C8orf34: variants seen among roughly 807,000 people sequenced by gnomAD.
The protein encoded by C8orf34 is chromosome 8 open reading frame 34.
In C8orf34, 65 loss-of-function variants were observed where a neutral mutation model predicts 68.3. The ratio of observed to expected loss-of-function variants is 0.95; its 90% confidence interval spans 0.78 to 1.17. The LOEUF (loss-of-function observed/expected upper bound fraction) is 1.17. Ranked by LOEUF, C8orf34 falls within the 50% of genes most tolerant of loss-of-function variation. C8orf34 has a pLI of 0.00. For synonymous variants in C8orf34, 244 were observed against 241.2 expected (o/e 1.01, Z -0.11); for missense variants, 664 against 655.4 (o/e 1.01, Z -0.14).
intron 8 of C8orf34, among the ~76,000 whole-genome samples, chr8:68,673,328 G>A (rs13275978): frequency 0.2 from 30,523 of 151,780 alleles, 3,527 homozygotes; most frequent in East Asian, 0.57. Context: ...CCCCTAAGTG[G>A]ACTCTTGGGG....
chr8:68,463,238 C>A (rs1811934185), intron 3 of C8orf34, among the ~76,000 whole-genome samples: 1 of 152,082 alleles, frequency 6.6e-6, no homozygotes, highest in Non-Finnish European at 1.5e-5. Flanking sequence ...AAGACTAAAC[C>A]AGGAAGAAGT....
At chr8:68,809,574 G>T (rs1824585600) in intron 12 of C8orf34, among the ~76,000 whole-genome samples, 1 of 152,134 alleles carries the variant, frequency 6.6e-6, no homozygotes, top group African/African-American at 2.4e-5. Flanking sequence ...AGTCCAGCTT[G>T]AGCAATTTAG....
At chr8:68,423,607 G>C (rs893556610) in intron 1 of C8orf34, among the ~76,000 whole-genome samples, 10 of 152,028 alleles carry the variant, frequency 6.6e-5, no homozygotes, top group Non-Finnish European at 1.5e-4. Context: ...CCTCCAAACT[G>C]TTCCAACCTC....
chr8:68,811,704 G>A (rs2958322), intron 12 of C8orf34, among the ~76,000 whole-genome samples: 39,053 of 152,120 alleles, frequency 0.26, 5,375 homozygotes, highest in African/African-American at 0.33. Context: ...AGAAACAAAT[G>A]CATTTCTGAA....
At chr8:68,372,764 C>T (rs1181003772) in intron 1 of C8orf34, among the ~76,000 whole-genome samples, 1 of 152,166 alleles carries the variant, frequency 6.6e-6, no homozygotes, top group East Asian at 1.9e-4. Context: ...CCTCCACCCT[C>T]CGACAGGCCC....
At position 68,818,529 on chromosome 8, in the gene C8orf34, T is replaced by A. The variant is rs1274415849; in HGVS notation, c.*283T>A. 2 of 312,212 alleles carry A rather than the reference T, an allele frequency of 6.4e-6. No homozygotes were observed. Among genetic ancestry groups the A allele is most frequent in the Admixed American group, 9.2e-5 (2 of 21,692 alleles). 19.3% of individuals were successfully genotyped at this position (312,212 alleles called of 1,614,324 possible). ...TTATAAATAGTTATTAAGATTAATA[T>A]TTGATATATTAAATATTGCCTGATT... On this transcript the variant is annotated 3_prime_UTR_variant, in exon 14 of 14. Coordinates refer to ENST00000518698, the MANE Select transcript of C8orf34 (RefSeq NM_052958.4).
intron 12 of C8orf34, among the ~76,000 whole-genome samples, chr8:68,809,416 CT>C (rs1378140866): frequency 2.0e-5 from 3 of 152,130 alleles, no homozygotes; most frequent in Non-Finnish European, 4.4e-5. Context: ...AGTGACCTCT[CT>C]ATTAGATGAG....
rs542619225 is a variant in C8orf34 at position 68,688,707 on chromosome 8, C to T, written c.1242-20287C>T. On this transcript the variant is annotated intron_variant, in intron 8 of 13. Coordinates refer to ENST00000518698, the MANE Select transcript of C8orf34 (RefSeq NM_052958.4). ...CAGGGACATAGATGAAGCTGGAAGCCGTCATACTCAGCAAACTAACACAGG... is the reference window on the plus strand; with the variant it reads ...CAGGGACATAGATGAAGCTGGAAGCTGTCATACTCAGCAAACTAACACAGG... Among the ~76,000 whole-genome samples, 56 of 152,076 alleles carry T rather than the reference C, an allele frequency of 3.7e-4. No homozygotes were observed. The South Asian group carries it at 7.9e-3, about 21-fold the overall frequency.
At chr8:68,569,447 C>G (rs1040188722) in intron 7 of C8orf34, among the ~76,000 whole-genome samples, 3 of 152,198 alleles carry the variant, frequency 2.0e-5, no homozygotes, top group Admixed American at 6.5e-5. Context: ...CGGCCCCTCC[C>G]CACCTCCAGG....
intron 7 of C8orf34, among the ~76,000 whole-genome samples, chr8:68,633,814 A>G (rs1388785060): frequency 6.6e-6 from 1 of 152,132 alleles, no homozygotes; most frequent in East Asian, 1.9e-4. Flanking sequence ...AAGGAAGAAA[A>G]GACAGAAAGG....
intron 10 of C8orf34, among the ~76,000 whole-genome samples, chr8:68,749,496 A>G (rs570251534): frequency 2.6e-5 from 4 of 152,156 alleles, no homozygotes; most frequent in Non-Finnish European, 5.9e-5. Flanking sequence ...AGTATATAAT[A>G]AACATTTTTA....
chr8:68,795,801 T>C (rs1263484602), intron 12 of C8orf34, among the ~76,000 whole-genome samples: 2 of 152,162 alleles, frequency 1.3e-5, no homozygotes, highest in East Asian at 3.9e-4. Context: ...ATTTACCAGA[T>C]TTTCTTCTAA....
chr8:68,802,457 A>C (rs1824359808), intron 12 of C8orf34, among the ~76,000 whole-genome samples: 1 of 152,184 alleles, frequency 6.6e-6, no homozygotes, highest in Admixed American at 6.5e-5. Flanking sequence ...ATGTACTATA[A>C]CTTATTTAAT....
intron 6 of C8orf34, among the ~76,000 whole-genome samples, chr8:68,528,391 A>G (rs1586324051): frequency 6.6e-6 from 1 of 152,112 alleles, no homozygotes; most frequent in African/African-American, 2.4e-5. Flanking sequence ...GACCCCAAAA[A>G]CACTGAGACT....
chr8:68,633,738 G>GA (rs1818757796), intron 7 of C8orf34, among the ~76,000 whole-genome samples: 1 of 151,890 alleles, frequency 6.6e-6, no homozygotes, highest in African/African-American at 2.4e-5. Context: ...AATATCTTAG[G>GA]AAAGAAGTCC....
At chr8:68,744,506 TA>T (rs1257278149) in intron 10 of C8orf34, among the ~76,000 whole-genome samples, 1 of 151,358 alleles carries the variant, frequency 6.6e-6, no homozygotes, top group Non-Finnish European at 1.5e-5. Flanking sequence ...GAAGAATGTA[TA>T]ACTAGAATAA....
At chr8:68,339,796 T>C (rs1805997173) in intron 1 of C8orf34, among the ~76,000 whole-genome samples, 1 of 152,002 alleles carries the variant, frequency 6.6e-6, no homozygotes, top group Non-Finnish European at 1.5e-5. Context: ...TAAAATGGAC[T>C]TATTTAAAAT....
chr8:68,466,764 T>TATAG (rs1458140702), intron 3 of C8orf34, among the ~76,000 whole-genome samples: 2 of 146,066 alleles, frequency 1.4e-5, no homozygotes, highest in African/African-American at 5.1e-5. Context: ...TATATATATA[T>TATAG]AGATGCTTTC....
At chr8:68,710,438 G>A (rs1346942421) in intron 9 of C8orf34, among the ~76,000 whole-genome samples, 1 of 152,144 alleles carries the variant, frequency 6.6e-6, no homozygotes, top group East Asian at 1.9e-4. Flanking sequence ...TGTTGAGGGG[G>A]CACGGTGGGT....
Sources: allele counts gnomAD v4.1 joint callset (sites outside exome capture counted in the v4.1 genomes callset), GRCh38; gene constraint gnomAD v4.1.1; transcripts MANE v1.5; gene names NCBI Gene and HGNC (gene_info 2026-07-23, HGNC 2026-07-21).